The following FOXJ3 variants were observed in gnomAD, a reference collection of about 807,000 sequenced individuals.
FOXJ3 encodes the protein forkhead box protein J3.
A neutral mutation model predicts 76.1 loss-of-function variants in FOXJ3; 22 were observed. The ratio of observed to expected loss-of-function variants is 0.29; its 90% CI spans 0.21 to 0.41. The LOEUF (loss-of-function observed/expected upper bound fraction) is 0.41, where lower values mean the gene tolerates loss of function less well. FOXJ3 is among the 10% of genes least tolerant of loss of function. The probability of loss-of-function intolerance (pLI) is 1.00; values close to 1 mark genes in which losing one functional copy is unlikely to be tolerated. For synonymous variants in FOXJ3, 269 were observed against 261.2 expected, an observed-to-expected ratio of 1.03 and a Z score of -0.29; for missense variants, 613 against 762.1, an observed-to-expected ratio of 0.80 and a Z score of 2.30.
chr1:42,216,387 G>C (rs558482849), intron 5 of FOXJ3, among the ~76,000 whole-genome samples: 2 of 151,626 alleles, frequency 1.3e-5, no homozygotes, highest in Non-Finnish European at 2.9e-5. Flanking sequence ...GCGTGGTAGC[G>C]GGCGCCTGTA....
At chr1:42,252,678 G>A (rs1045986903) in intron 4 of FOXJ3, among the ~76,000 whole-genome samples, 3 of 150,450 alleles carry the variant, frequency 2.0e-5, no homozygotes, top group Non-Finnish European at 4.4e-5. Context: ...GCTTTTGAAT[G>A]TGTTTGCTCT....
At chr1:42,335,330 C>A (rs1209098962), upstream of FOXJ3, 1 of 152,146 alleles carries the variant, frequency 6.6e-6, no homozygotes, top group Non-Finnish European at 1.5e-5. Context: ...AGTCCCTGCG[C>A]GGTCACGGTC....
intron 4 of FOXJ3, among the ~76,000 whole-genome samples, chr1:42,257,591 T>C (rs1266440805): frequency 1.3e-5 from 2 of 151,612 alleles, no homozygotes; most frequent in African/African-American, 4.8e-5. Flanking sequence ...ATACAAAAAT[T>C]AGCCAGGCGT....
At chr1:42,232,283 C>T (rs1648211180) in intron 4 of FOXJ3, among the ~76,000 whole-genome samples, 1 of 147,802 alleles carries the variant, frequency 6.8e-6, no homozygotes. Context: ...TTTATAGCAG[C>T]ATGATTTACA....
chr1:42,251,804 C>T (rs1166648923), intron 4 of FOXJ3, among the ~76,000 whole-genome samples: 28 of 145,828 alleles, frequency 1.9e-4, no homozygotes, highest in East Asian at 1.4e-3. Context: ...CTGCAAGCTC[C>T]GCCTCCCGGG....
At chr1:42,183,849 A>T (rs1646379913) in intron 11 of FOXJ3, among the ~76,000 whole-genome samples, 1 of 152,068 alleles carries the variant, frequency 6.6e-6, no homozygotes, top group African/African-American at 2.4e-5. Context: ...ACCTCTGTCC[A>T]TGCAGATAGG....
intron 11 of FOXJ3, among the ~76,000 whole-genome samples, chr1:42,182,644 T>A (rs1030207068): frequency 2.6e-5 from 4 of 152,118 alleles, no homozygotes; most frequent in African/African-American, 9.7e-5. Context: ...ATTACAGGCG[T>A]GCACTACCAC....
At chr1:42,321,557 T>G (rs1420152525) in intron 1 of FOXJ3, among the ~76,000 whole-genome samples, 1 of 152,184 alleles carries the variant, frequency 6.6e-6, no homozygotes, top group Non-Finnish European at 1.5e-5. Context: ...CTGATGTATG[T>G]ACCAGGACTC....
Position 42,220,735 on chromosome 1 carries a change from T to A in FOXJ3, c.528+7148A>T, listed in dbSNP as rs576420932. 2.2e-4 allele frequency among the ~76,000 whole-genome samples: 34 copies of A among 152,234 alleles called. No individual in the cohort carries two copies. In the East Asian group the frequency reaches 5.0e-3, roughly 22 times the overall value. The stretch of plus-strand genomic sequence containing the variant: ...AGATCGAGCTCTAGGTGCTAACAGT[T>A]TTAACTGACTGGGTGATTTACCCTT... On this transcript the variant is annotated intron_variant, in intron 5 of 12. Coordinates refer to ENST00000361346, the MANE Select transcript of FOXJ3 (RefSeq NM_014947.5).
chr1:42,254,061 T>G (rs1425831946), intron 4 of FOXJ3, among the ~76,000 whole-genome samples: 1,885 of 151,656 alleles, frequency 0.012, 35 homozygotes, highest in African/African-American at 0.043. Flanking sequence ...CACAACCTAC[T>G]CATCTGACAA....
intron 6 of FOXJ3, among the ~76,000 whole-genome samples, chr1:42,200,529 A>G (rs527596218): frequency 6.6e-5 from 10 of 152,048 alleles, no homozygotes; most frequent in African/African-American, 2.4e-4. Context: ...CCTAGGCTGG[A>G]GTGCAATGGT....
intron 2 of FOXJ3, among the ~76,000 whole-genome samples, chr1:42,304,416 C>T (rs11210619): frequency 4.1e-4 from 62 of 151,974 alleles, no homozygotes; most frequent in Middle Eastern, 3.4e-3. Flanking sequence ...AAAATTTATA[C>T]GAAACCACCA....
intron 6 of FOXJ3, among the ~76,000 whole-genome samples, chr1:42,200,806 T>C (rs757332311): frequency 3.0e-4 from 46 of 152,108 alleles, no homozygotes; most frequent in Admixed American, 4.6e-4. Context: ...TTAGCTACCG[T>C]TGGTCATTTA....
chr1:42,181,463 G>A (rs1024946643), intron 12 of FOXJ3, among the ~76,000 whole-genome samples: 1 of 152,192 alleles, frequency 6.6e-6, no homozygotes, highest in Admixed American at 6.5e-5. Context: ...AGCTAATAAA[G>A]TAGGTTCCTA....
chr1:42,328,296 CA>C (rs1245297319), intron 1 of FOXJ3, among the ~76,000 whole-genome samples: 1 of 151,982 alleles, frequency 6.6e-6, no homozygotes, highest in African/African-American at 2.4e-5. Context: ...GATCTTGTCT[CA>C]AAAAAATAAA....
rs74374075 is a variant in FOXJ3 at position 42,209,756 on chromosome 1, C to T, written c.529-3893G>A. On this transcript the variant is annotated intron_variant, in intron 5 of 12. Coordinates refer to ENST00000361346, the MANE Select transcript of FOXJ3 (RefSeq NM_014947.5). Reference sequence around the variant, plus strand: ...CCAGCAGGCCCGGAGGGAAGCCATTCCTAATCCTATCTCAGGGAAGACTGC... The same window carrying T: ...CCAGCAGGCCCGGAGGGAAGCCATTTCTAATCCTATCTCAGGGAAGACTGC... Among the ~76,000 whole-genome samples the T allele has an allele frequency of 3.5e-3, 535 of 152,320 alleles. 6 individuals carry two copies. The highest frequency in any genetic ancestry group is 0.012 in the African/African-American group (511 of 41,562).
At chr1:42,315,031 G>A (rs1254573001) in intron 1 of FOXJ3, among the ~76,000 whole-genome samples, 1 of 152,220 alleles carries the variant, frequency 6.6e-6, no homozygotes, top group Admixed American at 6.5e-5. Flanking sequence ...ACTTTTACAT[G>A]CTACCACATA....
intron 5 of FOXJ3, among the ~76,000 whole-genome samples, chr1:42,208,517 A>G (rs1646903261): frequency 6.6e-6 from 1 of 152,230 alleles, no homozygotes; most frequent in Non-Finnish European, 1.5e-5. Context: ...GCTCAACAAA[A>G]AAGGTATAGA....
chr1:42,301,659 T>A lies in FOXJ3; in HGVS notation c.44+9391A>T, dbSNP rs539904510. ...TGTAATTCTTTCAATGAATTTTTCA[T>A]TTCCAAAAGATGTTTGGGTTTATTT... On this transcript the variant is annotated intron_variant, in intron 2 of 12. Coordinates refer to ENST00000361346, the MANE Select transcript of FOXJ3 (RefSeq NM_014947.5). Among the ~76,000 whole-genome samples the A allele has an allele frequency of 2.6e-5, 4 of 152,370 alleles. No homozygotes were observed. The South Asian group carries it at 8.3e-4, about 32-fold the overall frequency.
Sources: allele counts gnomAD v4.1 joint callset (sites outside exome capture counted in the v4.1 genomes callset), GRCh38; gene constraint gnomAD v4.1.1; transcripts MANE v1.5; gene names NCBI Gene and HGNC (gene_info 2026-07-23, HGNC 2026-07-21).